Variants in IPO7 observed in about 807,000 individuals in gnomAD.
IPO7 encodes the protein importin 7, also known as importin-7.
A neutral mutation model predicts 136.4 loss-of-function variants in IPO7; 13 were observed. The ratio of observed to expected loss-of-function variants is 0.10; its 90% CI spans 0.06 to 0.15. The LOEUF is 0.15. Among genes scored for constraint, IPO7 ranks in the 10% least tolerant of loss-of-function variants. IPO7 has a pLI of 1.00. For synonymous variants in IPO7, 403 were observed against 404.4 expected, an observed-to-expected ratio of 1.00 and a Z score of 0.04; for missense variants, 857 against 1,240.6, an observed-to-expected ratio of 0.69 and a Z score of 4.65.
chr11:9,424,377 C>T lies in IPO7; in HGVS notation c.1141+501C>T, dbSNP rs890620937. Among the ~76,000 whole-genome samples, 8 of 152,124 alleles carry T rather than the reference C, an allele frequency of 5.3e-5. 1 individual carries two copies. Among genetic ancestry groups the T allele is most frequent in the Non-Finnish European group, 8.8e-5 (6 of 68,022 alleles). ...TCACATCAGTAGTGTTTCATACATACGATTTAAACTGCTGAGTTCTGAGTT... is the reference window on the plus strand; with the variant it reads ...TCACATCAGTAGTGTTTCATACATATGATTTAAACTGCTGAGTTCTGAGTT... On this transcript the variant is annotated intron_variant, in intron 10 of 24. Coordinates refer to ENST00000379719, the MANE Select transcript of IPO7 (RefSeq NM_006391.3).
intron 20 of IPO7, among the ~76,000 whole-genome samples, chr11:9,436,741 G>T (rs539604398): frequency 1.0e-4 from 15 of 146,032 alleles, no homozygotes; most frequent in African/African-American, 3.8e-4. Context: ...GGAGTGCAGT[G>T]GCACATTCTC....
chr11:9,433,907 A>G, intron 18 of IPO7, 61 bp downstream of exon 18: 2 of 1,452,784 alleles, frequency 1.4e-6, no homozygotes, highest in Non-Finnish European at 1.9e-6. Flanking sequence ...TTTGTAGCTT[A>G]TCATTTGAAC....
chr11:9,422,860 T>C, intron 8 of IPO7, 146 bp from the exon 9 acceptor site: 2 of 447,380 alleles, frequency 4.5e-6, no homozygotes, highest in Admixed American at 7.7e-5. Flanking sequence ...TAATCAGAAA[T>C]GAGTTAAATT....
chr11:9,432,466 G>A (rs1855309630), intron 16 of IPO7, among the ~76,000 whole-genome samples: 1 of 152,136 alleles, frequency 6.6e-6, no homozygotes, highest in African/African-American at 2.4e-5. Flanking sequence ...CTCCCAAAGT[G>A]CAGAAATTAC....
At chr11:9,418,261 G>T (rs763480060) in intron 6 of IPO7, among the ~76,000 whole-genome samples, 17 of 151,498 alleles carry the variant, frequency 1.1e-4, no homozygotes, top group Non-Finnish European at 2.2e-4. Flanking sequence ...CATAGAGACA[G>T]GGTTTCACCA....
chr11:9,432,066 T>G (rs1413490499), intron 16 of IPO7, among the ~76,000 whole-genome samples: 4 of 152,174 alleles, frequency 2.6e-5, no homozygotes, highest in Non-Finnish European at 5.9e-5. Context: ...CCCTACTTCC[T>G]TTCTTCCCAT....
intron 2 of IPO7, among the ~76,000 whole-genome samples, chr11:9,407,102 A>G (rs1854899603): frequency 6.6e-6 from 1 of 152,204 alleles, no homozygotes; most frequent in Non-Finnish European, 1.5e-5. Context: ...CATATATTCC[A>G]TTCTTTACTT....
intron 1 of IPO7, among the ~76,000 whole-genome samples, chr11:9,402,463 C>T (rs528202469): frequency 4.0e-5 from 6 of 149,438 alleles, no homozygotes; most frequent in Admixed American, 6.7e-5. Flanking sequence ...ATGGCTCACG[C>T]CTGTAACCCC....
chr11:9,429,603 CGA>C, intron 14 of IPO7, 69 bp from the exon 15 acceptor site: 1 of 1,241,016 alleles, frequency 8.1e-7, no homozygotes, highest in Non-Finnish European at 1.1e-6. Flanking sequence ...AAAAACTCAT[CGA>C]TATTTGTTAT....
In IPO7 at chr11:9,445,431, T is replaced by A; in HGVS notation, c.*237T>A. ...ACCTTAGAGGGAGTATTTTCTTTAT[T>A]TTTTGAAGAAAGTAAGATCCTGACT... On this transcript the variant is annotated 3_prime_UTR_variant, in exon 25 of 25. Coordinates refer to ENST00000379719, the MANE Select transcript of IPO7 (RefSeq NM_006391.3). The A allele has an allele frequency of 2.7e-6, 1 of 370,720 alleles. No individual in the cohort carries two copies. The highest frequency in any genetic ancestry group is 4.0e-5 in the Admixed American group (1 of 24,776). 23.0% of individuals were successfully genotyped at this position (370,720 alleles called of 1,614,324 possible).
chr11:9,408,704 GTTTTTTTTTTT>G (rs377057603), intron 3 of IPO7, 65 bp downstream of exon 3: 8 of 173,314 alleles, frequency 4.6e-5, no homozygotes, highest in East Asian at 1.8e-4. Flanking sequence ...TTGTTTTTTG[GTTTTTTTTTTT>G]TTTTTTTTTT....
rs919229790 is a variant in IPO7 at position 9,409,911 on chromosome 11, T to G, written c.321-17T>G. ...CTAGTTAGGATTTTTTCCTTACTGT[T>G]TTTTTTTGGCTTCCAGGGTACAGCT... is the stretch of plus-strand genomic sequence containing the variant. On this transcript the variant is annotated splice_polypyrimidine_tract_variant and intron_variant, in intron 3 of 24. Transcript: ENST00000379719. 7 of 1,497,132 alleles carry G rather than the reference T, an allele frequency of 4.7e-6. No homozygotes were observed. Among genetic ancestry groups the G allele is most frequent in the Non-Finnish European group, 6.2e-6 (7 of 1,121,266 alleles). 92.7% of individuals were successfully genotyped at this position (1,497,132 alleles called of 1,614,324 possible).
At chr11:9,387,556 G>T (rs1441309905) in intron 1 of IPO7, among the ~76,000 whole-genome samples, 2 of 152,204 alleles carry the variant, frequency 1.3e-5, no homozygotes, top group African/African-American at 4.8e-5. Flanking sequence ...ATTTGGCCAG[G>T]CACGGTGGCT....
At chr11:9,434,251 G>T (rs1358071285) in intron 18 of IPO7, among the ~76,000 whole-genome samples, 1 of 152,054 alleles carries the variant, frequency 6.6e-6, no homozygotes, top group African/African-American at 2.4e-5. Flanking sequence ...TGTTCAGACT[G>T]CTTCACTGTT....
intron 1 of IPO7, among the ~76,000 whole-genome samples, chr11:9,396,580 GC>G (rs772431465): frequency 6.6e-6 from 1 of 151,934 alleles, no homozygotes; most frequent in Non-Finnish European, 1.5e-5. Flanking sequence ...TCCGCATTCC[GC>G]CCCGACCCCA....
At chr11:9,403,775 TC>T (rs767276660) in intron 2 of IPO7, among the ~76,000 whole-genome samples, 8 of 152,258 alleles carry the variant, frequency 5.3e-5, no homozygotes, top group Non-Finnish European at 8.8e-5. Context: ...TTGAGCCACT[TC>T]CCTCAGTATC....
intron 1 of IPO7, among the ~76,000 whole-genome samples, chr11:9,395,277 CTT>C (rs1470871203): frequency 6.6e-6 from 1 of 152,032 alleles, no homozygotes; most frequent in African/African-American, 2.4e-5. Flanking sequence ...GAGTTTCACT[CTT>C]TTCGCCCAGG....
chr11:9,432,333 C>A (rs1384105588), intron 16 of IPO7, among the ~76,000 whole-genome samples: 1 of 151,850 alleles, frequency 6.6e-6, no homozygotes, highest in African/African-American at 2.4e-5. Context: ...TCCTGAGTAA[C>A]TGGGAGTGCA....
intron 18 of IPO7, among the ~76,000 whole-genome samples, chr11:9,434,643 A>G (rs751799581): frequency 2.0e-5 from 3 of 152,152 alleles, no homozygotes; most frequent in Non-Finnish European, 4.4e-5. Flanking sequence ...ACTTTTAAAA[A>G]TTAATCAGGC....
Sources: allele counts gnomAD v4.1 joint callset (sites outside exome capture counted in the v4.1 genomes callset), GRCh38; gene constraint gnomAD v4.1.1; transcripts MANE v1.5; gene names NCBI Gene and HGNC (gene_info 2026-07-23, HGNC 2026-07-21).